Variants in ARHGAP15 observed in about 807,000 individuals in gnomAD.
The protein encoded by ARHGAP15 is Rho GTPase activating protein 15.
A neutral mutation model predicts 63.7 loss-of-function variants in ARHGAP15; 51 were observed. The observed-to-expected ratio is 0.80, with a 90% CI of 0.64 to 1.01. The LOEUF is 1.01. Ranked by LOEUF, ARHGAP15 falls within the 50% of genes least tolerant of loss-of-function variation. The probability of loss-of-function intolerance (pLI) is 0.00; values close to 1 mark genes in which losing one functional copy is unlikely to be tolerated. For synonymous variants in ARHGAP15, 191 were observed against 193.8 expected, an observed-to-expected ratio of 0.99 and a Z score of 0.12; for missense variants, 560 against 564.6, an observed-to-expected ratio of 0.99 and a Z score of 0.08.
At chr2:143,694,094 A>C (rs1389684037) in intron 12 of ARHGAP15, among the ~76,000 whole-genome samples, 1 of 152,234 alleles carries the variant, frequency 6.6e-6, no homozygotes, top group Non-Finnish European at 1.5e-5. Context: ...TTTCTTAACT[A>C]TAATGAAAGA....
At chr2:143,327,142 G>A (rs1684289382) in intron 6 of ARHGAP15, among the ~76,000 whole-genome samples, 1 of 152,134 alleles carries the variant, frequency 6.6e-6, no homozygotes, top group Admixed American at 6.5e-5. Context: ...AATCATGAGT[G>A]AACTCCCATT....
chr2:143,136,811 C>G (rs1213160739), intron 1 of ARHGAP15, among the ~76,000 whole-genome samples: 6 of 151,974 alleles, frequency 3.9e-5, no homozygotes, highest in Non-Finnish European at 7.4e-5. Context: ...TACTTTTATA[C>G]TTATAAGTGA....
At chr2:143,377,887 C>G (rs1225955458) in intron 6 of ARHGAP15, among the ~76,000 whole-genome samples, 1 of 151,980 alleles carries the variant, frequency 6.6e-6, no homozygotes, top group African/African-American at 2.4e-5. Flanking sequence ...ATGTACTTTA[C>G]ATCTCTCTCT....
At chr2:143,295,967 C>T (rs1323899181) in intron 6 of ARHGAP15, among the ~76,000 whole-genome samples, 1 of 151,960 alleles carries the variant, frequency 6.6e-6, no homozygotes, top group African/African-American at 2.4e-5. Flanking sequence ...AAATGTGCCT[C>T]GCTGTCACCA....
At chr2:143,622,039 G>A (rs1698664422) in intron 11 of ARHGAP15, among the ~76,000 whole-genome samples, 1 of 151,692 alleles carries the variant, frequency 6.6e-6, no homozygotes, top group African/African-American at 2.4e-5. Context: ...TGTGTGTTTA[G>A]GTTTCCACTT....
chr2:143,698,420 A>G (rs1420473387), intron 12 of ARHGAP15, among the ~76,000 whole-genome samples: 1 of 152,188 alleles, frequency 6.6e-6, no homozygotes, highest in African/African-American at 2.4e-5. Flanking sequence ...TGTGCCCTCA[A>G]AACTATAAAG....
chr2:143,168,723 CA>C (rs1266026884), intron 2 of ARHGAP15, among the ~76,000 whole-genome samples: 3 of 152,008 alleles, frequency 2.0e-5, no homozygotes, highest in African/African-American at 7.2e-5. Flanking sequence ...AAGAATCACA[CA>C]AGGCCCTTAC....
intron 11 of ARHGAP15, among the ~76,000 whole-genome samples, chr2:143,558,560 G>A (rs1018408422): frequency 2.6e-5 from 4 of 152,156 alleles, no homozygotes. Flanking sequence ...TGTAAGTCTT[G>A]GAATCAAAAA....
intron 13 of ARHGAP15, among the ~76,000 whole-genome samples, chr2:143,760,537 A>G (rs1686723909): frequency 6.6e-6 from 1 of 152,160 alleles, no homozygotes; most frequent in Non-Finnish European, 1.5e-5. Flanking sequence ...AATATTCTAA[A>G]TATTGCTTTA....
chr2:143,143,164 A>T (rs1030844722), intron 1 of ARHGAP15, among the ~76,000 whole-genome samples: 5 of 152,006 alleles, frequency 3.3e-5, no homozygotes, highest in African/African-American at 1.2e-4. Context: ...TGGGAACTAT[A>T]CTTTGAGGAA....
At chr2:143,725,584 C>A (rs941784278) in intron 13 of ARHGAP15, among the ~76,000 whole-genome samples, 2 of 152,182 alleles carry the variant, frequency 1.3e-5, no homozygotes, top group Admixed American at 6.5e-5. Flanking sequence ...TTATCACAAC[C>A]CCTCCTTCCC....
chr2:143,521,068 C>G (rs1002111101), intron 10 of ARHGAP15, among the ~76,000 whole-genome samples: 4 of 152,162 alleles, frequency 2.6e-5, no homozygotes, highest in African/African-American at 9.7e-5. Flanking sequence ...CTGGAGCAAT[C>G]ACATCTAGCA....
At chr2:143,413,967 G>GTGTGTGCGCGCGCGCGCGCA (rs1553476589) in intron 6 of ARHGAP15, among the ~76,000 whole-genome samples, 1 of 26,664 alleles carries the variant, frequency 3.8e-5, no homozygotes, top group African/African-American at 1.6e-4. Flanking sequence ...GTGTGTGTGT[G>GTGTGTGCGCGCGCGCGCGCA]CGCGCTCTCT....
chr2:143,445,067 C>T (rs920260854), intron 8 of ARHGAP15, among the ~76,000 whole-genome samples: 5 of 151,178 alleles, frequency 3.3e-5, no homozygotes, highest in African/African-American at 1.2e-4. Flanking sequence ...ATAGGAAATG[C>T]CATAACCAAG....
intron 6 of ARHGAP15, among the ~76,000 whole-genome samples, chr2:143,347,018 C>A (rs554032534): frequency 6.6e-6 from 1 of 151,848 alleles, no homozygotes; most frequent in Non-Finnish European, 1.5e-5. Context: ...ATGTACAAAT[C>A]GAGAGGTCTT....
At chr2:143,173,450 C>T (rs1409268028) in intron 2 of ARHGAP15, among the ~76,000 whole-genome samples, 1 of 151,816 alleles carries the variant, frequency 6.6e-6, no homozygotes, top group Non-Finnish European at 1.5e-5. Flanking sequence ...AATCCTGGTT[C>T]AAGGGAGGGA....
chr2:143,606,316 C>G (rs1698028297), intron 11 of ARHGAP15, among the ~76,000 whole-genome samples: 2 of 152,232 alleles, frequency 1.3e-5, no homozygotes, highest in African/African-American at 4.8e-5. Context: ...TTACTATCTT[C>G]TAAAATGTGG....
At chr2:143,140,049 G>A (rs1344397402) in intron 1 of ARHGAP15, among the ~76,000 whole-genome samples, 4 of 152,138 alleles carry the variant, frequency 2.6e-5, no homozygotes, top group Admixed American at 1.3e-4. Flanking sequence ...AAGAGTAGCA[G>A]TAGTAATTGT....
intron 11 of ARHGAP15, among the ~76,000 whole-genome samples, chr2:143,577,048 A>T (rs1696707179): frequency 6.6e-6 from 1 of 152,192 alleles, no homozygotes; most frequent in South Asian, 2.1e-4. Context: ...AAGAGAGAAC[A>T]TCTACAATGG....
Sources: allele counts gnomAD v4.1 joint callset (sites outside exome capture counted in the v4.1 genomes callset), GRCh38; gene constraint gnomAD v4.1.1; transcripts MANE v1.5; gene names NCBI Gene and HGNC (gene_info 2026-07-23, HGNC 2026-07-21).